The following SVIL variants were observed in gnomAD, a reference collection of about 807,000 sequenced individuals.
SVIL encodes archvillin.
A neutral mutation model predicts 240.4 loss-of-function variants in SVIL; 101 were observed. The ratio of observed to expected loss-of-function variants is 0.42; its 90% CI spans 0.36 to 0.50. The LOEUF (loss-of-function observed/expected upper bound fraction) is 0.50. Ranked by LOEUF, SVIL falls within the 20% of genes least tolerant of loss-of-function variation. The probability of loss-of-function intolerance (pLI) is 0.01; values close to 1 mark genes in which losing one functional copy is unlikely to be tolerated. For missense variants in SVIL, 2,512 were observed against 2,818.7 expected (o/e 0.89, Z 2.46); for synonymous variants, 999 against 1,100.0 (o/e 0.91, Z 1.82).
intron 2 of SVIL, among the ~76,000 whole-genome samples, chr10:29,658,974 G>T (rs765322047): frequency 1.3e-5 from 2 of 152,124 alleles, no homozygotes; most frequent in African/African-American, 4.8e-5. Flanking sequence ...GCTATGACTT[G>T]GTCTATGTCA....
chr10:29,544,576 G>A (rs1052006911), intron 6 of SVIL, among the ~76,000 whole-genome samples: 10 of 151,918 alleles, frequency 6.6e-5, no homozygotes, highest in Admixed American at 2.6e-4. Context: ...GCAACATTGT[G>A]AAACCCCATC....
At chr10:29,530,920 C>G (rs1210621218) in intron 10 of SVIL, among the ~76,000 whole-genome samples, 1 of 152,196 alleles carries the variant, frequency 6.6e-6, no homozygotes, top group Non-Finnish European at 1.5e-5. Flanking sequence ...TAACGTTTGT[C>G]TGATCGAGAT....
At chr10:29,684,613 A>G (rs571137353) in intron 2 of SVIL, among the ~76,000 whole-genome samples, 91 of 152,322 alleles carry the variant, frequency 6.0e-4, no homozygotes, top group African/African-American at 2.1e-3. Context: ...GAAGTCTCAT[A>G]GTCTCATAGG....
rs76960755 is a variant in SVIL at position 29,597,360 on chromosome 10, T to C, written c.-200-28048A>G. ...CAAGGGTAAATGCCTCCTTTTTTTT[T>C]CTCTTGGGCCTTCAGGCGCCCACCT... On this transcript the variant is annotated intron_variant, in intron 1 of 37. Coordinates refer to ENST00000355867, the MANE Select transcript of SVIL (RefSeq NM_021738.3). Among the ~76,000 whole-genome samples the C allele has an allele frequency of 5.1e-3, 775 of 152,192 alleles. 6 individuals are homozygous for C. Among genetic ancestry groups the C allele is most frequent in the Non-Finnish European group, 9.0e-3 (613 of 68,014 alleles).
At chr10:29,509,714 G>A (rs1432668925) in intron 17 of SVIL, among the ~76,000 whole-genome samples, 1 of 152,154 alleles carries the variant, frequency 6.6e-6, no homozygotes, top group African/African-American at 2.4e-5. Context: ...GCTGGGCATG[G>A]TGGCACATGC....
intron 32 of SVIL, chr10:29,469,134 G>A (rs1214820188): frequency 1.3e-5 from 2 of 152,196 alleles, no homozygotes; most frequent in South Asian, 4.1e-4. Flanking sequence ...ATGTGAATGA[G>A]CTCTTCATTG....
chr10:29,595,388 G>A lies in SVIL; in HGVS notation c.-200-26076C>T, dbSNP rs1236576164. Among the ~76,000 whole-genome samples, 3 of 152,216 alleles carry A rather than the reference G, an allele frequency of 2.0e-5. No homozygotes were observed. In the East Asian group the frequency reaches 5.8e-4, roughly 29 times the overall value. On this transcript the variant is annotated intron_variant, in intron 1 of 37. Coordinates refer to ENST00000355867, the MANE Select transcript of SVIL (RefSeq NM_021738.3). ...GAGCAGCACGGCTCTGCTAGGGTAT[G>A]GATGGCAGGTGAGGACAGGCGATGG...
chr10:29,519,845 T>C (rs976264086), intron 16 of SVIL, among the ~76,000 whole-genome samples: 3 of 152,228 alleles, frequency 2.0e-5, no homozygotes, highest in African/African-American at 7.2e-5. Flanking sequence ...ATGGCTTCTG[T>C]TAGCCAGCAG....
intron 6 of SVIL, among the ~76,000 whole-genome samples, chr10:29,539,924 C>T (rs1350163072): frequency 2.0e-5 from 3 of 152,138 alleles, no homozygotes; most frequent in Admixed American, 6.5e-5. Flanking sequence ...CTGTTTCTTT[C>T]AAACCCCACC....
intron 6 of SVIL, among the ~76,000 whole-genome samples, chr10:29,543,479 G>A (rs941642259): frequency 1.1e-4 from 16 of 152,086 alleles, no homozygotes; most frequent in Admixed American, 2.6e-4. Flanking sequence ...AAAACCCTTA[G>A]GTCTGTTTCC....
chr10:29,610,811 C>T (rs552680880), intron 1 of SVIL, among the ~76,000 whole-genome samples: 37 of 152,278 alleles, frequency 2.4e-4, no homozygotes, highest in African/African-American at 7.9e-4. Context: ...GCCTATGAAA[C>T]CTTCCCAGAC....
chr10:29,727,575 C>T (rs1964363054), intron 1 of SVIL, among the ~76,000 whole-genome samples: 1 of 152,044 alleles, frequency 6.6e-6, no homozygotes, highest in Non-Finnish European at 1.5e-5. Flanking sequence ...GAATTACATG[C>T]AATAGCCAAA....
chr10:29,501,285 A>T lies in SVIL; in HGVS notation c.3517-2022T>A, dbSNP rs1401274958. Among the ~76,000 whole-genome samples the T allele has an allele frequency of 5.9e-5, 9 of 151,604 alleles. No individual in the cohort carries two copies. The East Asian group carries it at 1.7e-3, about 29-fold the overall frequency. On this transcript the variant is annotated intron_variant, in intron 17 of 37. Transcript: ENST00000355867. ...ATCAGATAAATATTGTATCAACATTAACTTCCTCCTCTTGGCCACCATATT... is the reference window on the plus strand; with the variant it reads ...ATCAGATAAATATTGTATCAACATTTACTTCCTCCTCTTGGCCACCATATT...
chr10:29,463,432 G>A (rs572949703), intron 35 of SVIL, 60 bp downstream of exon 35: 15 of 1,559,450 alleles, frequency 9.6e-6, no homozygotes, highest in African/African-American at 5.4e-5. Flanking sequence ...TCCTGGCTGC[G>A]CATGCCTGAG....
chr10:29,505,728 A>C (rs1466955859), intron 17 of SVIL, among the ~76,000 whole-genome samples: 3 of 152,136 alleles, frequency 2.0e-5, no homozygotes, highest in Non-Finnish European at 4.4e-5. Context: ...CAAATGTGCC[A>C]CTCTGGAGGG....
chr10:29,596,509 G>A (rs1245117883), intron 1 of SVIL, among the ~76,000 whole-genome samples: 1 of 152,156 alleles, frequency 6.6e-6, no homozygotes, highest in Non-Finnish European at 1.5e-5. Flanking sequence ...TGCCCACAGA[G>A]ATCATGGGAA....
At chr10:29,684,961 GT>G (rs1960947414) in intron 2 of SVIL, among the ~76,000 whole-genome samples, 2 of 152,134 alleles carry the variant, frequency 1.3e-5, no homozygotes, top group Admixed American at 6.5e-5. Flanking sequence ...ACACGTGCAG[GT>G]TTATTACGTA....
At chr10:29,574,535 G>A (rs1564661428) in intron 1 of SVIL, among the ~76,000 whole-genome samples, 1 of 152,172 alleles carries the variant, frequency 6.6e-6, no homozygotes, top group South Asian at 2.1e-4. Flanking sequence ...TGGTAAGACT[G>A]GAGACGAAGG....
intron 1 of SVIL, among the ~76,000 whole-genome samples, chr10:29,571,209 T>C (rs1955399751): frequency 6.6e-6 from 1 of 152,228 alleles, no homozygotes. Flanking sequence ...CTGGCTGGAA[T>C]AGCTCAGACC....
Sources: gnomAD v4.1 joint callset for allele counts (sites outside exome capture counted in the v4.1 genomes callset) on GRCh38, gnomAD v4.1.1 for gene constraint, MANE v1.5 for transcripts, NCBI Gene and HGNC (gene_info 2026-07-23, HGNC 2026-07-21) for gene names.